COX16: variants seen among roughly 807,000 people sequenced by gnomAD.
COX16 encodes the protein cytochrome c oxidase assembly protein COX16 homolog, mitochondrial.
A neutral mutation model predicts 15.4 loss-of-function variants in COX16; 12 were observed. That is an observed-to-expected ratio of 0.78 (90% CI 0.50 to 1.26). COX16 has a LOEUF of 1.26. Ranked by LOEUF, COX16 falls within the 50% of genes most tolerant of loss-of-function variation. COX16 has a pLI of 0.00. For missense variants in COX16, 124 were observed against 127.6 expected (o/e 0.97, Z 0.14); for synonymous variants, 46 against 41.1 (o/e 1.12, Z -0.46).
intron 1 of COX16, among the ~76,000 whole-genome samples, chr14:70,344,879 G>A (rs955511072): frequency 1.3e-5 from 2 of 152,178 alleles, no homozygotes. Flanking sequence ...GTTTACAGGA[G>A]ACTATAAAAC....
intron 1 of COX16, among the ~76,000 whole-genome samples, chr14:70,350,639 T>C (rs1886927216): frequency 6.6e-6 from 1 of 152,214 alleles, no homozygotes; most frequent in African/African-American, 2.4e-5. Flanking sequence ...ACACAAATGA[T>C]TTTGTCCAAC....
intron 1 of COX16, among the ~76,000 whole-genome samples, chr14:70,352,645 C>CTT (rs576495712): frequency 2.7e-4 from 23 of 84,476 alleles, no homozygotes; most frequent in Non-Finnish European, 4.2e-4. Context: ...CTTTTTTTTT[C>CTT]TTTTTTTTTT....
chr14:70,344,358 AT>A (rs1468799739), intron 1 of COX16, among the ~76,000 whole-genome samples: 1 of 152,268 alleles, frequency 6.6e-6, no homozygotes, highest in African/African-American at 2.4e-5. Flanking sequence ...GAGTCAAACC[AT>A]GAACTGAATT....
rs370035729 is a variant in COX16, at chr14:70,342,762, C to G, written c.70-33G>C. 322 of 1,602,392 alleles carry G rather than the reference C, an allele frequency of 2.0e-4. No homozygotes were observed. The African/African-American group carries it at 3.5e-3, about 18-fold the overall frequency. The stretch of plus-strand genomic sequence containing the variant: ...AAAGAAAGGAAACATTTAAGCAAAA[C>G]AGAAGACCAGAATTCAAATTCAGCC... On this transcript the variant is annotated intron_variant, in intron 1 of 3. Transcript: ENST00000389912.
At chr14:70,331,989 A>T (rs1353218582) in intron 2 of COX16, among the ~76,000 whole-genome samples, 4 of 152,176 alleles carry the variant, frequency 2.6e-5, no homozygotes, top group African/African-American at 9.7e-5. Context: ...TTTTGAATGC[A>T]TTCACACCTA....
intron 1 of COX16, among the ~76,000 whole-genome samples, chr14:70,349,479 A>G (rs1886880377): frequency 6.6e-6 from 1 of 152,198 alleles, no homozygotes; most frequent in African/African-American, 2.4e-5. Flanking sequence ...AGTCCGATAC[A>G]GGCCCACCTT....
At chr14:70,354,132 C>G (rs1242764099) in intron 1 of COX16, among the ~76,000 whole-genome samples, 1 of 151,936 alleles carries the variant, frequency 6.6e-6, no homozygotes, top group East Asian at 1.9e-4. Context: ...GGCAACACAG[C>G]AAGACCTCCT....
At chr14:70,347,353 C>T (rs1012256405) in intron 1 of COX16, among the ~76,000 whole-genome samples, 1 of 152,170 alleles carries the variant, frequency 6.6e-6, no homozygotes, top group African/African-American at 2.4e-5. Flanking sequence ...CTGCAATTCC[C>T]TCCAATACCA....
intron 2 of COX16, among the ~76,000 whole-genome samples, chr14:70,331,035 A>G (rs1886271309): frequency 6.6e-6 from 1 of 152,160 alleles, no homozygotes; most frequent in Admixed American, 6.5e-5. Flanking sequence ...TTTGAGATGG[A>G]AATCTCACTG....
In COX16 at chr14:70,343,858, A is replaced by G. The variant is rs892809786; in HGVS notation, c.70-1129T>C. On this transcript the variant is annotated intron_variant, in intron 1 of 3. Transcript: ENST00000389912. ...GACAGGGGAATTACAATGGGGAATA[A>G]CAATGGGGAATTGCAGAGCCAGCTG... Among the ~76,000 whole-genome samples, 77 of 152,342 alleles carry G rather than the reference A, an allele frequency of 5.1e-4. 1 individual carries two copies. Among genetic ancestry groups the G allele is most frequent in the African/African-American group, 1.8e-3 (73 of 41,584 alleles).
chr14:70,359,201 G>C, intron 1 of COX16: 1 of 493,392 alleles, frequency 2.0e-6, no homozygotes, highest in Non-Finnish European at 4.0e-6. Context: ...TGAATTCTCT[G>C]AGCTTCAATT....
At chr14:70,341,278 A>AT (rs1175731667) in intron 2 of COX16, among the ~76,000 whole-genome samples, 1 of 152,158 alleles carries the variant, frequency 6.6e-6, no homozygotes, top group South Asian at 2.1e-4. Flanking sequence ...GAAAGTACAC[A>AT]TTTTTTTAAA....
At chr14:70,338,177 G>A (rs929649310) in intron 2 of COX16, among the ~76,000 whole-genome samples, 2 of 152,138 alleles carry the variant, frequency 1.3e-5, no homozygotes, top group African/African-American at 2.4e-5. Flanking sequence ...GCAATGGCAC[G>A]ATCACAGCTC....
At chr14:70,352,657 T>G (rs1886995509) in intron 1 of COX16, among the ~76,000 whole-genome samples, 1 of 142,402 alleles carries the variant, frequency 7.0e-6, no homozygotes, top group Admixed American at 7.0e-5. Flanking sequence ...TTTTTTTTTT[T>G]TTTTTTGAGA....
At chr14:70,338,755 T>C (rs1886535858) in intron 2 of COX16, among the ~76,000 whole-genome samples, 1 of 152,224 alleles carries the variant, frequency 6.6e-6, no homozygotes, top group Admixed American at 6.5e-5. Flanking sequence ...TAGTGTTGTA[T>C]TTTGGGGAGA....
chr14:70,342,996 C>T (rs543086642), intron 1 of COX16, among the ~76,000 whole-genome samples: 3 of 152,220 alleles, frequency 2.0e-5, no homozygotes, highest in East Asian at 1.9e-4. Context: ...TCATAACAAG[C>T]ATTGTATTAT....
intron 1 of COX16, among the ~76,000 whole-genome samples, chr14:70,356,983 G>C (rs1887143505): frequency 6.6e-6 from 1 of 151,854 alleles, no homozygotes; most frequent in African/African-American, 2.4e-5. Context: ...TGTAAAGCCT[G>C]GCACCAAGTG....
At chr14:70,330,129 A>G (rs1415968656) in intron 2 of COX16, among the ~76,000 whole-genome samples, 4 of 152,158 alleles carry the variant, frequency 2.6e-5, no homozygotes, top group Non-Finnish European at 5.9e-5. Context: ...AAACAAAAAC[A>G]TTTTTAATCA....
intron 1 of COX16, among the ~76,000 whole-genome samples, chr14:70,350,396 G>C (rs992303209): frequency 6.6e-6 from 1 of 152,068 alleles, no homozygotes; most frequent in Non-Finnish European, 1.5e-5. Flanking sequence ...CTGCACCCAG[G>C]CGCTCATTAA....
Sources: allele counts gnomAD v4.1 joint callset (sites outside exome capture counted in the v4.1 genomes callset), GRCh38; gene constraint gnomAD v4.1.1; transcripts MANE v1.5; gene names NCBI Gene and HGNC (gene_info 2026-07-23, HGNC 2026-07-21).